The following PHYKPL variants were observed in gnomAD, a reference collection of about 807,000 sequenced individuals.
The protein encoded by PHYKPL is 5-phosphohydroxy-L-lysine phospho-lyase.
A neutral mutation model predicts 51.3 loss-of-function variants in PHYKPL; 42 were observed. That is an observed-to-expected ratio of 0.82 (90% CI 0.64 to 1.06). The LOEUF is 1.06. Among genes scored for constraint, PHYKPL ranks in the 50% least tolerant of loss-of-function variants. PHYKPL has a pLI of 0.00. For missense variants in PHYKPL, 655 were observed against 586.6 expected (o/e 1.12, Z -1.20); for synonymous variants, 264 against 236.0 (o/e 1.12, Z -1.09).
chr5:178,212,671 T>C (rs1758825247), intron 11 of PHYKPL, among the ~76,000 whole-genome samples: 2 of 152,216 alleles, frequency 1.3e-5, no homozygotes, highest in South Asian at 4.1e-4. Flanking sequence ...CCACTGTAGT[T>C]CTTATGGCCT....
chr5:178,230,324 A>T, intron 2 of PHYKPL: 3 of 551,492 alleles, frequency 5.4e-6, no homozygotes, highest in Non-Finnish European at 9.7e-6. Flanking sequence ...TCAGCAGAAG[A>T]ACCCTGTCTA....
intron 12 of PHYKPL, chr5:178,210,200 T>A: frequency 6.2e-7 from 1 of 1,612,786 alleles, no homozygotes; most frequent in Non-Finnish European, 8.5e-7. Flanking sequence ...CCAGCAGGGC[T>A]ACGGGCCTGG....
intron 8 of PHYKPL, among the ~76,000 whole-genome samples, chr5:178,218,575 A>G (rs1011624860): frequency 1.2e-4 from 18 of 152,190 alleles, no homozygotes; most frequent in Non-Finnish European, 2.1e-4. Context: ...AGCAACCCGG[A>G]AGAGGACTCT....
intron 8 of PHYKPL, among the ~76,000 whole-genome samples, chr5:178,218,050 T>C (rs533223913): frequency 7.8e-6 from 1 of 128,470 alleles, no homozygotes; most frequent in Non-Finnish European, 1.6e-5. Context: ...ACCCCGTCTC[T>C]ACTAAAAAAT....
intron 8 of PHYKPL, among the ~76,000 whole-genome samples, chr5:178,217,631 G>A (rs1270063500): frequency 6.6e-6 from 1 of 151,760 alleles, no homozygotes; most frequent in Admixed American, 6.6e-5. Flanking sequence ...GGCTGAGGCG[G>A]GTGGATCATG....
chr5:178,226,544 C>T (rs1762327341), intron 3 of PHYKPL: 2 of 152,158 alleles, frequency 1.3e-5, no homozygotes, highest in African/African-American at 2.4e-5. Context: ...GAAGGAAGGG[C>T]ATGGAGCTTC....
rs761596988 is a variant in PHYKPL, at chr5:178,224,727, G to A, written c.416C>T (p.Ala139Val). The A allele has an allele frequency of 8.1e-6, 13 of 1,612,462 alleles. No individual in the cohort carries two copies. Among genetic ancestry groups the A allele is most frequent in the Admixed American group, 1.7e-5 (1 of 59,972 alleles). ...GHQDVVVLDH[A>V]YHGHLSSLID... ...CAGGGAGCTCAGGTGGCCGTGATACGCACTGGGGAGGAGAAGGGAGGGTAG... is the reference window on the plus strand; with the variant it reads ...CAGGGAGCTCAGGTGGCCGTGATACACACTGGGGAGGAGAAGGGAGGGTAG... The change falls in exon 5 of 13, where the codon GCG (alanine) becomes GTG (valine). Residue 139 changes from alanine (A) to valine (V), a missense_variant and splice_region_variant. Ala to Val is a moderately conservative substitution (Grantham distance 64). Coordinates refer to ENST00000308158, the MANE Select transcript of PHYKPL (RefSeq NM_153373.4).
chr5:178,207,345 C>A, downstream of PHYKPL: 1 of 1,203,988 alleles, frequency 8.3e-7, no homozygotes, highest in Non-Finnish European at 1.2e-6. Context: ...TTTACTATTT[C>A]TCTGAAGCGT....
rs751361857 is a variant in PHYKPL at position 178,224,525 on chromosome 5, C to T, written c.541G>A (p.Asp181Asn). 5 of 1,613,930 alleles carry T rather than the reference C, an allele frequency of 3.1e-6. No homozygotes were observed. In the Admixed American group the frequency reaches 5.0e-5, roughly 16 times the overall value. The change falls in exon 6 of 13, where the codon GAC becomes AAC. Residue 181 changes from aspartate to asparagine, a missense_variant. By Grantham distance (23) the Asp-to-Asn change is conservative. Transcript: ENST00000308158. The part of the protein sequence containing the change: ...PDTYRGPYRE[D>N]HPNPAMAYAN... ...TAGGCCATAGCTGGGTTGGGGTGGT[C>T]CTCCCGGTAGGGGCCCCGGTAGGTG...
At chr5:178,220,482 T>C (rs1760936302) in intron 8 of PHYKPL, among the ~76,000 whole-genome samples, 2 of 151,198 alleles carry the variant, frequency 1.3e-5, no homozygotes, top group Admixed American at 6.6e-5. Flanking sequence ...GCAACAAGAG[T>C]GAAACTCTTG....
At chr5:178,230,841 TTAAG>T (rs1763242449) in intron 2 of PHYKPL, 1 of 154,720 alleles carries the variant, frequency 6.5e-6, no homozygotes, top group Non-Finnish European at 1.4e-5. Context: ...GCACTGAGAA[TTAAG>T]TAACTTGCCC....
intron 11 of PHYKPL, among the ~76,000 whole-genome samples, chr5:178,212,403 A>G (rs1037607859): frequency 1.3e-5 from 2 of 152,234 alleles, no homozygotes; most frequent in Non-Finnish European, 2.9e-5. Context: ...AACTGTGCCT[A>G]TTTAGGGTCT....
chr5:178,218,088 G>T (rs1300356870), intron 8 of PHYKPL, among the ~76,000 whole-genome samples: 1 of 111,992 alleles, frequency 8.9e-6, no homozygotes. Context: ...GTGGTAGCGG[G>T]CGCCTGTAGT....
chr5:178,210,112 G>C (rs768498416), intron 12 of PHYKPL: 1 of 1,613,442 alleles, frequency 6.2e-7, no homozygotes, highest in African/African-American at 1.3e-5. Flanking sequence ...ACGGGCCCCT[G>C]TGCCCTGCTC....
chr5:178,225,133 C>A, intron 4 of PHYKPL: 1 of 595,144 alleles, frequency 1.7e-6, no homozygotes, highest in South Asian at 2.1e-5. Context: ...GAGTCTCTTA[C>A]AAAGCGCACT....
chr5:178,229,359 CG>C (rs1561745882), intron 3 of PHYKPL, among the ~76,000 whole-genome samples: 4 of 152,018 alleles, frequency 2.6e-5, no homozygotes, highest in Non-Finnish European at 2.9e-5. Context: ...CCGCCCACCT[CG>C]ATCTCCCGAA....
Position 178,213,459 on chromosome 5 carries a change from C to CT in PHYKPL, c.1173-357dup, listed in dbSNP as rs111229219. Among the ~76,000 whole-genome samples the CT allele has an allele frequency of 7.7e-3, 1,170 of 152,256 alleles. 18 individuals carry two copies. The highest frequency in any genetic ancestry group is 0.027 in the African/African-American group (1,119 of 41,522). On this transcript the variant is annotated intron_variant, in intron 10 of 12. Coordinates refer to ENST00000308158, the MANE Select transcript of PHYKPL (RefSeq NM_153373.4). ...TGGTTTACGTGATGTATATTGTTTC[C>CT]TTATATAGAGAATGTCCAACATTGC... is the stretch of plus-strand genomic sequence containing the variant.
chr5:178,223,221 G>A (rs1761562834), intron 6 of PHYKPL: 1 of 423,842 alleles, frequency 2.4e-6, no homozygotes, highest in Non-Finnish European at 4.5e-6. Flanking sequence ...CCCCATTTTT[G>A]ATCCACGCCT....
In PHYKPL at chr5:178,232,523, C is replaced by A. The variant is rs1763747054; in HGVS notation, c.28G>T (p.Asp10Tyr). Residue 10 changes from aspartate to tyrosine, a missense_variant, in exon 1 of 13, where the codon GAC becomes TAC. By Grantham distance (160) the Asp-to-Tyr change is radical (BLOSUM62 -3). Coordinates refer to ENST00000308158, the MANE Select transcript of PHYKPL (RefSeq NM_153373.4). ...AGCCGTTGCCTCAGGGCCAGCGTGT[C>A]GGCCTTCGGGCGCTGGTCTGCGGCC... is the stretch of plus-strand genomic sequence containing the variant. MAADQRPKA[D>Y]TLALRQRLIS... The A allele has an allele frequency of 3.9e-6, 5 of 1,282,560 alleles. No homozygotes were observed. In the East Asian group the frequency reaches 1.4e-4, roughly 36 times the overall value. The allele number at this position is 1,282,560 out of a possible 1,614,324, so 79.4% of individuals were successfully genotyped here.
Sources: gnomAD v4.1 joint callset for allele counts (sites outside exome capture counted in the v4.1 genomes callset) on GRCh38, gnomAD v4.1.1 for gene constraint, MANE v1.5 for transcripts, NCBI Gene and HGNC (gene_info 2026-07-23, HGNC 2026-07-21) for gene names.